RNF111: variants seen among roughly 807,000 people sequenced by gnomAD.
RNF111 encodes ring finger protein 111, also known as E3 ubiquitin-protein ligase Arkadia.
RNF111 carries 17 observed loss-of-function variants against 95.1 expected under a neutral mutation model. The observed-to-expected ratio is 0.18, with a 90% CI of 0.12 to 0.27. The LOEUF (loss-of-function observed/expected upper bound fraction) is 0.27, where lower values mean the gene tolerates loss of function less well. Ranked by LOEUF, RNF111 falls within the 10% of genes least tolerant of loss-of-function variation. The pLI, the probability that RNF111 is intolerant of heterozygous loss-of-function variation, is 1.00. For missense variants in RNF111, 1,189 were observed against 1,210.4 expected, an observed-to-expected ratio of 0.98 and a Z score of 0.26; for synonymous variants, 440 against 414.8, an observed-to-expected ratio of 1.06 and a Z score of -0.74.
At chr15:59,054,710 G>T (rs1336158217) in intron 3 of RNF111, among the ~76,000 whole-genome samples, 1 of 151,820 alleles carries the variant, frequency 6.6e-6, no homozygotes, top group African/African-American at 2.4e-5. Context: ...GTTCAAGTTG[G>T]GCTGAAAATG....
At chr15:59,044,887 C>G (rs766712884) in intron 2 of RNF111, among the ~76,000 whole-genome samples, 3 of 152,016 alleles carry the variant, frequency 2.0e-5, no homozygotes, top group Non-Finnish European at 2.9e-5. Context: ...AAAATGTTGC[C>G]TGTTGTGAAT....
chr15:59,033,121 G>A (rs2040998559), intron 2 of RNF111, among the ~76,000 whole-genome samples: 1 of 152,160 alleles, frequency 6.6e-6, no homozygotes, highest in Admixed American at 6.6e-5. Flanking sequence ...TGGGCCTAGG[G>A]AGAGCTTTCT....
At chr15:59,013,455 C>A (rs1468136585) in intron 1 of RNF111, among the ~76,000 whole-genome samples, 2 of 152,190 alleles carry the variant, frequency 1.3e-5, no homozygotes, top group African/African-American at 4.8e-5. Flanking sequence ...TAGACCATCC[C>A]TGAATCTAGG....
At chr15:59,035,716 A>G (rs1051534461) in intron 2 of RNF111, among the ~76,000 whole-genome samples, 19 of 152,158 alleles carry the variant, frequency 1.2e-4, no homozygotes, top group Non-Finnish European at 2.1e-4. Context: ...GCAGAGGCAA[A>G]ATGCTGCCAG....
At chr15:59,032,596 A>G (rs2040967238) in intron 2 of RNF111, among the ~76,000 whole-genome samples, 1 of 151,998 alleles carries the variant, frequency 6.6e-6, no homozygotes, top group Non-Finnish European at 1.5e-5. Context: ...TTATTTTTGT[A>G]TTTTTTGTAG....
chr15:59,050,455 T>C (rs1258742977), intron 2 of RNF111: 1 of 152,202 alleles, frequency 6.6e-6, no homozygotes, highest in Non-Finnish European at 1.5e-5. Context: ...TTTTAAAGTA[T>C]GTAAATTATA....
At chr15:59,003,218 C>A (rs746255606) in intron 1 of RNF111, among the ~76,000 whole-genome samples, 1 of 152,120 alleles carries the variant, frequency 6.6e-6, no homozygotes, top group Admixed American at 6.5e-5. Flanking sequence ...TGGGCTCAAG[C>A]GATCCTCCCA....
At position 59,076,234 on chromosome 15, in the gene RNF111, G is replaced by A. The variant is rs368794889; in HGVS notation, c.1948+19G>A. Reference sequence around the variant, plus strand: ...CCCCCTTGTAAGTATATACTTAGTGGACACAAAATCTAGAGTCATGTCAAT... The same window carrying A: ...CCCCCTTGTAAGTATATACTTAGTGAACACAAAATCTAGAGTCATGTCAAT... On this transcript the variant is annotated intron_variant, in intron 7 of 13. Coordinates refer to ENST00000348370, the MANE Select transcript of RNF111 (RefSeq NM_017610.8). 1.9e-6 allele frequency: 3 copies of A among 1,603,220 alleles called. No homozygotes were observed. The highest frequency in any genetic ancestry group is 1.3e-5 in the African/African-American group (1 of 74,704).
intron 1 of RNF111, among the ~76,000 whole-genome samples, chr15:58,996,610 CAG>C (rs1367867318): frequency 2.1e-5 from 3 of 141,402 alleles, no homozygotes; most frequent in Non-Finnish European, 4.5e-5. Flanking sequence ...AATTATGAAA[CAG>C]AATTTTTGTA....
chr15:59,045,924 G>A (rs1371477327), intron 2 of RNF111, among the ~76,000 whole-genome samples: 12 of 152,054 alleles, frequency 7.9e-5, no homozygotes, highest in African/African-American at 2.4e-4. Flanking sequence ...TTGTTTTTCT[G>A]CCTGTAAGAT....
At chr15:58,994,725 A>T (rs575925041) in intron 1 of RNF111, among the ~76,000 whole-genome samples, 1 of 151,864 alleles carries the variant, frequency 6.6e-6, no homozygotes, top group Admixed American at 6.6e-5. Flanking sequence ...TGATCAGCCT[A>T]CTTCAGCCTC....
At chr15:59,025,023 A>G (rs1257384970) in intron 1 of RNF111, among the ~76,000 whole-genome samples, 3 of 152,180 alleles carry the variant, frequency 2.0e-5, no homozygotes, top group Admixed American at 6.5e-5. Context: ...GCTGAATACT[A>G]TTTCATTGTA....
intron 2 of RNF111, among the ~76,000 whole-genome samples, chr15:59,033,260 T>C (rs1458400013): frequency 6.6e-6 from 1 of 152,188 alleles, no homozygotes; most frequent in African/African-American, 2.4e-5. Context: ...CTCTTCTTCT[T>C]CTTTATGAGT....
chr15:59,069,044 A>G (rs980265556), intron 6 of RNF111, among the ~76,000 whole-genome samples: 4 of 146,088 alleles, frequency 2.7e-5, no homozygotes, highest in Admixed American at 7.1e-5. Context: ...ACCACACTCC[A>G]GCCTTGGCGA....
rs2079149343 is a variant in RNF111 at position 59,094,774 on chromosome 15, C to G, written c.2844-9C>G. 5 of 1,527,530 alleles carry G rather than the reference C, an allele frequency of 3.3e-6. No homozygotes were observed. Among genetic ancestry groups the G allele is most frequent in the Non-Finnish European group, 3.6e-6 (4 of 1,101,908 alleles). The allele number at this position is 1,527,530 out of a possible 1,614,324, so 94.6% of individuals were successfully genotyped here. ...TAATTTTTGCTTTTTGTTTTCTTGCCAATAATAGACGTCTTCCATGTATGC... is the reference window on the plus strand; with the variant it reads ...TAATTTTTGCTTTTTGTTTTCTTGCGAATAATAGACGTCTTCCATGTATGC... On this transcript the variant is annotated splice_polypyrimidine_tract_variant and intron_variant, in intron 13 of 13. Transcript: ENST00000348370.
rs2042681942 is a variant in RNF111, at chr15:59,066,917, A to G, written c.1520A>G (p.Gln507Arg). The change falls in exon 6 of 14, where the codon CAG (glutamine) becomes CGG (arginine). Residue 507 changes from glutamine to arginine, a missense_variant. By Grantham distance (43) the Gln-to-Arg change is conservative. Around this residue, in one of 2 missense-constraint regions of RNF111, gnomAD observed 1,024 missense variants for 925.9 expected, o/e 1.11. Coordinates refer to ENST00000348370, the MANE Select transcript of RNF111 (RefSeq NM_017610.8). Reference sequence around the variant, plus strand: ...CATCCTCATACAAGTTGCTTTCAGCAGCATGGTCACCATTTTCAACATCAT... The same window carrying G: ...CATCCTCATACAAGTTGCTTTCAGCGGCATGGTCACCATTTTCAACATCAT... ...LGHPHTSCFQQHGHHFQHHHH... is the reference protein window; with the variant it reads ...LGHPHTSCFQRHGHHFQHHHH... 3 of 1,614,112 alleles carry G rather than the reference A, an allele frequency of 1.9e-6. No individual in the cohort carries two copies. Among genetic ancestry groups the G allele is most frequent in the Non-Finnish European group, 2.5e-6 (3 of 1,180,022 alleles).
intron 4 of RNF111, 123 bp downstream of exon 4, chr15:59,055,968 G>T: frequency 1.4e-6 from 1 of 731,454 alleles, no homozygotes; most frequent in South Asian, 3.4e-5. Flanking sequence ...GAAATTGTCA[G>T]ATTTTTTAAT....
chr15:58,999,578 C>T (rs1007542872), intron 1 of RNF111, among the ~76,000 whole-genome samples: 6 of 152,086 alleles, frequency 3.9e-5, no homozygotes, highest in East Asian at 1.9e-4. Context: ...TCAGGTGATC[C>T]GCCCACCTCA....
chr15:59,069,416 A>T (rs2042811070), intron 6 of RNF111, among the ~76,000 whole-genome samples: 1 of 152,230 alleles, frequency 6.6e-6, no homozygotes. Flanking sequence ...AAGAGCTGCC[A>T]AAAGTCTCAT....
Sources: allele counts gnomAD v4.1 joint callset (sites outside exome capture counted in the v4.1 genomes callset), GRCh38; gene constraint gnomAD v4.1.1; regional missense constraint gnomAD v4.1.1; transcripts MANE v1.5; gene names NCBI Gene and HGNC (gene_info 2026-07-23, HGNC 2026-07-21).